The following GPA33 variants were observed in gnomAD, a reference collection of about 807,000 sequenced individuals.
GPA33 encodes the protein glycoprotein A33, also known as cell surface A33 antigen.
In GPA33, 27 loss-of-function variants were observed where a neutral mutation model predicts 35.6. The ratio of observed to expected loss-of-function variants is 0.76; its 90% CI spans 0.56 to 1.04. GPA33 has a LOEUF of 1.04. Ranked by LOEUF, GPA33 falls within the 50% of genes least tolerant of loss-of-function variation. The pLI, the probability that GPA33 is intolerant of heterozygous loss-of-function variation, is 0.00. For missense variants in GPA33, 428 were observed against 411.9 expected, an observed-to-expected ratio of 1.04 and a Z score of -0.34; for synonymous variants, 176 against 164.0, an observed-to-expected ratio of 1.07 and a Z score of -0.56.
At position 167,053,715 on chromosome 1, in the gene GPA33, G is replaced by A. The variant is rs1246686995; in HGVS notation, c.*619C>T. On this transcript the variant is annotated 3_prime_UTR_variant, in exon 7 of 7. Coordinates refer to ENST00000367868, the MANE Select transcript of GPA33 (RefSeq NM_005814.3). ...GACAGGCAGAGATGGAAAGTGTGTG[G>A]GCAAAAGCTCCCCAGGGCCTGTGCA... The A allele has an allele frequency of 6.5e-6, 1 of 153,140 alleles. No homozygotes were observed. The highest frequency in any genetic ancestry group is 2.4e-5 in the African/African-American group (1 of 41,482). The allele number at this position is 153,140 out of a possible 1,614,324, so 9.5% of individuals were successfully genotyped here. A position where few individuals can be genotyped will look rare whatever the true frequency, so the allele number is the denominator to read the frequency against.
chr1:167,072,583 G>T (rs1027881688), intron 2 of GPA33, among the ~76,000 whole-genome samples: 2 of 151,964 alleles, frequency 1.3e-5, no homozygotes, highest in Non-Finnish European at 2.9e-5. Flanking sequence ...ACATATAAGG[G>T]TATTTATATT....
chr1:167,077,285 A>G (rs909838149), intron 1 of GPA33, among the ~76,000 whole-genome samples: 2 of 152,076 alleles, frequency 1.3e-5, no homozygotes, highest in South Asian at 2.1e-4. Flanking sequence ...ACTTGCTTCA[A>G]TGGAGCCCTC....
intron 1 of GPA33, among the ~76,000 whole-genome samples, chr1:167,079,872 T>C (rs1351664823): frequency 6.6e-6 from 1 of 152,232 alleles, no homozygotes; most frequent in Non-Finnish European, 1.5e-5. Flanking sequence ...TTTTACTTTT[T>C]TCCACAGGCT....
intron 4 of GPA33, among the ~76,000 whole-genome samples, chr1:167,056,071 G>T (rs1258169936): frequency 1.3e-5 from 2 of 152,196 alleles, no homozygotes; most frequent in African/African-American, 4.8e-5. Flanking sequence ...TTGACACCTG[G>T]CTCTGCCACT....
At chr1:167,057,912 T>C (rs1251123015) in intron 4 of GPA33, among the ~76,000 whole-genome samples, 1 of 152,240 alleles carries the variant, frequency 6.6e-6, no homozygotes, top group African/African-American at 2.4e-5. Context: ...CTTTTAAAAA[T>C]TTGTGGCCGG....
intron 1 of GPA33, among the ~76,000 whole-genome samples, chr1:167,085,708 T>C (rs527928750): frequency 3.9e-5 from 6 of 152,340 alleles, no homozygotes; most frequent in African/African-American, 1.2e-4. Context: ...ATGCATACCA[T>C]TGAGCCCCCT....
At chr1:167,071,071 C>T (rs1266667267) in intron 2 of GPA33, among the ~76,000 whole-genome samples, 1 of 151,848 alleles carries the variant, frequency 6.6e-6, no homozygotes, top group African/African-American at 2.4e-5. Context: ...GGTTTGGGAG[C>T]CAATGACATG....
At chr1:167,069,410 G>T (rs1666671798) in intron 2 of GPA33, among the ~76,000 whole-genome samples, 2 of 152,168 alleles carry the variant, frequency 1.3e-5, no homozygotes, top group Admixed American at 1.3e-4. Flanking sequence ...GTCCATCTGG[G>T]ATCCCAGCAC....
intron 3 of GPA33, 63 bp downstream of exon 3, chr1:167,068,859 C>T: frequency 7.7e-7 from 1 of 1,295,958 alleles, no homozygotes; most frequent in Non-Finnish European, 1.1e-6. Flanking sequence ...CTGGGCTCTT[C>T]TCCCTGTGCT....
chr1:167,056,680 C>A (rs796719398), intron 4 of GPA33, among the ~76,000 whole-genome samples: 13 of 2,472 alleles, frequency 5.3e-3, no homozygotes, highest in East Asian at 0.013. Flanking sequence ...TGTGATGTGT[C>A]TGGTGTGTGG....
intron 3 of GPA33, among the ~76,000 whole-genome samples, chr1:167,066,074 T>G (rs1666586950): frequency 6.6e-6 from 1 of 152,144 alleles, no homozygotes; most frequent in Admixed American, 6.5e-5. Context: ...TCCAAACCAT[T>G]CAGCCTTTTC....
chr1:167,065,395 A>G (rs1353577058), intron 3 of GPA33, among the ~76,000 whole-genome samples: 2 of 152,216 alleles, frequency 1.3e-5, no homozygotes, highest in Non-Finnish European at 2.9e-5. Flanking sequence ...AGCATGAAGC[A>G]TGCTTGAGAC....
At chr1:167,088,982 A>G (rs575927785) in intron 1 of GPA33, among the ~76,000 whole-genome samples, 7 of 152,294 alleles carry the variant, frequency 4.6e-5, no homozygotes, top group African/African-American at 1.7e-4. Context: ...CTTCTATGGC[A>G]CCTGCACAAA....
rs1181916191 is a variant in GPA33, at chr1:167,069,052, A to G, written c.285T>C (p.Ala95=). The G allele has an allele frequency of 6.2e-7, 1 of 1,613,918 alleles. No individual in the cohort carries two copies. The highest frequency in any genetic ancestry group is 8.5e-7 in the Non-Finnish European group (1 of 1,179,870). ...TGGTGATGGAGGCATCGGACTGCTC[A>G]GCATTGTTGGATATGCTGACGCGAT... ...YKNRVSISNN[A]EQSDASITID... is the part of the protein sequence containing the mutation. Residue 95 remains alanine (A), a synonymous_variant, in exon 3 of 7, where the codon GCT becomes GCC. Coordinates refer to ENST00000367868, the MANE Select transcript of GPA33 (RefSeq NM_005814.3).
intron 1 of GPA33, among the ~76,000 whole-genome samples, chr1:167,074,797 T>C (rs1193030393): frequency 1.3e-5 from 2 of 151,442 alleles, no homozygotes; most frequent in Non-Finnish European, 2.9e-5. Context: ...GTGGGGGTGG[T>C]CTCAGATTGC....
intron 3 of GPA33, among the ~76,000 whole-genome samples, chr1:167,064,970 G>C (rs753744757): frequency 6.6e-6 from 1 of 152,156 alleles, no homozygotes; most frequent in African/African-American, 2.4e-5. Flanking sequence ...TACCCAGAAC[G>C]GCAGCCACCC....
intron 2 of GPA33, among the ~76,000 whole-genome samples, chr1:167,072,733 G>A (rs1047229601): frequency 2.0e-5 from 3 of 152,100 alleles, no homozygotes; most frequent in African/African-American, 7.2e-5. Flanking sequence ...TATACACAAA[G>A]AGCCCAAGAT....
intron 1 of GPA33, among the ~76,000 whole-genome samples, chr1:167,077,088 C>A (rs949996135): frequency 9.2e-5 from 14 of 152,026 alleles, no homozygotes; most frequent in Non-Finnish European, 1.8e-4. Flanking sequence ...TGCCTGTAGT[C>A]CCAGCTACTC....
At chr1:167,074,906 C>CA (rs1666791905) in intron 1 of GPA33, among the ~76,000 whole-genome samples, 3 of 121,746 alleles carry the variant, frequency 2.5e-5, no homozygotes, top group Non-Finnish European at 5.0e-5. Context: ...ATTTGACTTA[C>CA]TTTTTTTTTT....
Sources: allele counts gnomAD v4.1 joint callset (sites outside exome capture counted in the v4.1 genomes callset), GRCh38; gene constraint gnomAD v4.1.1; transcripts MANE v1.5; gene names NCBI Gene and HGNC (gene_info 2026-07-23, HGNC 2026-07-21).